ZNF705A: variants seen among roughly 807,000 people sequenced by gnomAD.
ZNF705A encodes zinc finger protein 705A.
In ZNF705A, 8 loss-of-function variants were observed where a neutral mutation model predicts 16.6. The observed-to-expected ratio is 0.48, with a 90% CI of 0.28 to 0.87. The LOEUF is 0.87. Among genes scored for constraint, ZNF705A ranks in the 40% least tolerant of loss-of-function variants. The pLI is 0.10. For synonymous variants in ZNF705A, 73 were observed against 117.3 expected (o/e 0.62, Z 2.44); for missense variants, 233 against 359.9 (o/e 0.65, Z 2.85).
upstream of ZNF705A, among the ~76,000 whole-genome samples, chr12:8,172,164 G>A (rs1948451133): frequency 6.6e-6 from 1 of 151,778 alleles, no homozygotes; most frequent in Non-Finnish European, 1.5e-5. Context: ...CATTGCTAGG[G>A]CATAAAGCTA....
chr12:8,164,509 C>A (rs1192713575), intron 1 of ZNF705A, among the ~76,000 whole-genome samples: 3 of 152,302 alleles, frequency 2.0e-5, no homozygotes, highest in Middle Eastern at 3.4e-3. Flanking sequence ...CAACAGGCCC[C>A]AGTGTGTGTT....
At chr12:8,177,427 T>G in exon 5 of ZNF705A, 5 of 1,612,088 alleles carry the variant, frequency 3.1e-6, no homozygotes, top group Non-Finnish European at 4.2e-6. Flanking sequence ...ATGAGAGAAC[T>G]CACCTTGGAA....
exon 5 of ZNF705A, chr12:8,177,238 C>A: frequency 1.2e-6 from 2 of 1,611,530 alleles, no homozygotes; most frequent in Non-Finnish European, 1.7e-6. Flanking sequence ...ATTGCTTTCG[C>A]CTTAGACGGC....
chr12:8,177,250 C>T (rs1206600318), exon 5 of ZNF705A: 1 of 1,611,708 alleles, frequency 6.2e-7, no homozygotes, highest in East Asian at 2.2e-5. Context: ...TTAGACGGCA[C>T]AAGATGACTC....
chr12:8,172,935 A>G (rs1464364702), intron 1 of ZNF705A, among the ~76,000 whole-genome samples: 3 of 152,214 alleles, frequency 2.0e-5, no homozygotes, highest in Non-Finnish European at 4.4e-5. Flanking sequence ...GGCTATTTAC[A>G]AAAAAAGATA....
intron 1 of ZNF705A, among the ~76,000 whole-genome samples, chr12:8,162,495 C>T (rs1948363910): frequency 2.0e-5 from 3 of 152,098 alleles, no homozygotes; most frequent in Admixed American, 2.0e-4. Flanking sequence ...GAAGAGATAG[C>T]AGTTGTTCAT....
chr12:8,171,063 T>C (rs966509696), upstream of ZNF705A, among the ~76,000 whole-genome samples: 9 of 152,186 alleles, frequency 5.9e-5, no homozygotes, highest in African/African-American at 2.2e-4. Flanking sequence ...TTTTGTAATT[T>C]TGTCATATTT....
chr12:8,178,377 C>G (rs1489614831), exon 5 of ZNF705A: 1 of 153,072 alleles, frequency 6.5e-6, no homozygotes, highest in Non-Finnish European at 1.5e-5. Flanking sequence ...ACTTGTGGCA[C>G]ATGTGAGATT....
chr12:8,175,313 C>T (rs1948477293), exon 3 of ZNF705A: 2 of 1,597,024 alleles, frequency 1.3e-6, no homozygotes, highest in Admixed American at 1.7e-5. Flanking sequence ...TTCTTCAAGA[C>T]CAGAATCCAG....
At chr12:8,164,266 C>T (rs1948380864) in intron 1 of ZNF705A, among the ~76,000 whole-genome samples, 2 of 152,156 alleles carry the variant, frequency 1.3e-5, no homozygotes, top group African/African-American at 2.4e-5. Context: ...CCCCTGGCAA[C>T]CACCATTCTA....
At chr12:8,172,249 G>T (rs1948451618), upstream of ZNF705A, among the ~76,000 whole-genome samples, 1 of 151,376 alleles carries the variant, frequency 6.6e-6, no homozygotes, top group African/African-American at 2.4e-5. Context: ...TGGAGTCAGG[G>T]ATCCCTGTGT....
intron 1 of ZNF705A, among the ~76,000 whole-genome samples, chr12:8,161,092 T>A (rs934505491): frequency 6.6e-6 from 1 of 152,212 alleles, no homozygotes; most frequent in African/African-American, 2.4e-5. Context: ...ATCATGTGAT[T>A]TTTGTTTCTA....
upstream of ZNF705A, among the ~76,000 whole-genome samples, chr12:8,170,483 A>G (rs12370428): frequency 0.45 from 68,007 of 151,966 alleles, 16,490 homozygotes; most frequent in Non-Finnish European, 0.56. Context: ...AGTATGCTTT[A>G]ACTTTCTTAT....
At chr12:8,175,169 G>A in intron 2 of ZNF705A, 59 bp from the exon 4 acceptor site, 2 of 861,764 alleles carry the variant, frequency 2.3e-6, no homozygotes, top group South Asian at 3.1e-5. Flanking sequence ...CTTACACTTG[G>A]TGATAATGCA....
exon 5 of ZNF705A, chr12:8,179,586 A>C (rs1368158902): frequency 6.6e-6 from 1 of 152,216 alleles, no homozygotes; most frequent in African/African-American, 2.4e-5. Context: ...AAATGGCCTT[A>C]TCCGTGGTTG....
chr12:8,174,888 G>C (rs1161606649), intron 2 of ZNF705A, among the ~76,000 whole-genome samples: 6 of 151,982 alleles, frequency 3.9e-5, no homozygotes, highest in Non-Finnish European at 2.9e-5. Flanking sequence ...TTTTTGTTCT[G>C]TGTGAGAATA....
chr12:8,160,602 T>G (rs1948346451), intron 1 of ZNF705A, among the ~76,000 whole-genome samples: 1 of 151,082 alleles, frequency 6.6e-6, no homozygotes. Context: ...TAAAAGAGGT[T>G]AAGTTCTTGA....
intron 1 of ZNF705A, among the ~76,000 whole-genome samples, chr12:8,160,753 A>G (rs1352016229): frequency 1.3e-5 from 2 of 152,110 alleles, no homozygotes; most frequent in Non-Finnish European, 2.9e-5. Context: ...TTCGAGATAA[A>G]TGACCATATT....
rs757669589 is a variant in ZNF705A at position 8,164,805 on chromosome 12, T to A, written c.-72+7713T>A. ...GTGCTGCAATGAACATATGTGTGCA[T>A]GTATCTTTATAATAGAATGATTTAT... On this transcript the variant is annotated intron_variant, in intron 1 of 5. Coordinates refer to the ZNF705A transcript ENST00000396570. Among the ~76,000 whole-genome samples, 98 of 152,344 alleles carry A rather than the reference T, an allele frequency of 6.4e-4. 2 individuals carry two copies. The South Asian group carries it at 0.02, about 31-fold the overall frequency.
Sources: allele counts gnomAD v4.1 joint callset (sites outside exome capture counted in the v4.1 genomes callset), GRCh38; gene constraint gnomAD v4.1.1; transcripts MANE v1.5; gene names NCBI Gene and HGNC (gene_info 2026-07-23, HGNC 2026-07-21).